ENOX1: variants seen among roughly 807,000 people sequenced by gnomAD.
ENOX1 encodes ecto-NOX disulfide-thiol exchanger 1, also known as candidate growth-related and time keeping constitutive hydroquinone (NADH) oxidase.
ENOX1 carries 42 observed loss-of-function variants against 82.5 expected under a neutral mutation model. That is an observed-to-expected ratio of 0.51 (90% CI 0.40 to 0.66). ENOX1 has a LOEUF of 0.66. Among genes scored for constraint, ENOX1 ranks in the 30% least tolerant of loss-of-function variants. The probability of loss-of-function intolerance (pLI) is 0.00; values close to 1 mark genes in which losing one functional copy is unlikely to be tolerated. For synonymous variants in ENOX1, 271 were observed against 282.2 expected (o/e 0.96, Z 0.40); for missense variants, 608 against 811.6 (o/e 0.75, Z 3.05).
chr13:43,594,483 A>G (rs1446753065), intron 2 of ENOX1, among the ~76,000 whole-genome samples: 1 of 152,184 alleles, frequency 6.6e-6, no homozygotes, highest in Non-Finnish European at 1.5e-5. Context: ...TCAAAAGGCT[A>G]ATTAGTTATT....
chr13:43,303,564 C>T (rs1234125188), intron 11 of ENOX1, among the ~76,000 whole-genome samples: 1 of 152,172 alleles, frequency 6.6e-6, no homozygotes, highest in African/African-American at 2.4e-5. Flanking sequence ...CACAGTCCCT[C>T]AGTCTCTGCC....
intron 2 of ENOX1, among the ~76,000 whole-genome samples, chr13:43,555,512 G>C (rs934233207): frequency 6.6e-6 from 1 of 152,146 alleles, no homozygotes; most frequent in Non-Finnish European, 1.5e-5. Flanking sequence ...AGGAAAAGGG[G>C]AATATGGTCT....
At chr13:43,470,377 C>CGTATATATATATGTATATATATGT in intron 3 of ENOX1, among the ~76,000 whole-genome samples, 1 of 27,038 alleles carries the variant, frequency 3.7e-5, no homozygotes, top group Non-Finnish European at 7.1e-5. Context: ...TATATATATA[C>CGTATATATATATGTATATATATGT]ATATATATAC....
At chr13:43,325,427 T>C (rs1385462731) in intron 10 of ENOX1, among the ~76,000 whole-genome samples, 1 of 152,248 alleles carries the variant, frequency 6.6e-6, no homozygotes, top group Non-Finnish European at 1.5e-5. Context: ...ATGTGGATAT[T>C]ACATCTAGTG....
At chr13:43,742,190 TAGAA>T (rs1169537782) in intron 1 of ENOX1, among the ~76,000 whole-genome samples, 1 of 151,898 alleles carries the variant, frequency 6.6e-6, no homozygotes, top group Non-Finnish European at 1.5e-5. Context: ...TAGAGACATA[TAGAA>T]AGAAATTATG....
rs1446437814 is a variant in ENOX1 at position 43,326,543 on chromosome 13, G to A, written c.1037-18C>T. 3 of 1,598,558 alleles carry A rather than the reference G, an allele frequency of 1.9e-6. No homozygotes were observed. The highest frequency in any genetic ancestry group is 2.6e-6 in the Non-Finnish European group (3 of 1,165,966). On this transcript the variant is annotated intron_variant, in intron 9 of 16. Transcript: ENST00000690772. ...CTGCTCAACTTTGGTGAACAAGGAAGTCAAACAAGACAAGTAATTTATGTT... is the reference window on the plus strand; with the variant it reads ...CTGCTCAACTTTGGTGAACAAGGAAATCAAACAAGACAAGTAATTTATGTT...
chr13:43,392,537 T>TA (rs1208710075), intron 5 of ENOX1, among the ~76,000 whole-genome samples: 1 of 151,840 alleles, frequency 6.6e-6, no homozygotes, highest in East Asian at 1.9e-4. Flanking sequence ...AAAATATAAA[T>TA]AAAAAAAATT....
At chr13:43,711,796 A>G (rs1172981011) in intron 1 of ENOX1, among the ~76,000 whole-genome samples, 4 of 150,004 alleles carry the variant, frequency 2.7e-5, no homozygotes, top group Non-Finnish European at 4.4e-5. Flanking sequence ...AATTTGTTGG[A>G]GTTCATTGTA....
intron 11 of ENOX1, among the ~76,000 whole-genome samples, chr13:43,320,435 G>C (rs371169088): frequency 6.6e-6 from 1 of 152,092 alleles, no homozygotes; most frequent in Non-Finnish European, 1.5e-5. Flanking sequence ...GTTCTCATCA[G>C]ATGCCTGGGG....
chr13:43,512,488 T>C (rs765053640), intron 2 of ENOX1, among the ~76,000 whole-genome samples: 14 of 152,160 alleles, frequency 9.2e-5, no homozygotes, highest in Non-Finnish European at 1.9e-4. Flanking sequence ...CCAATGAGCA[T>C]ATAATTGACT....
At chr13:43,711,189 G>C (rs560966265) in intron 1 of ENOX1, among the ~76,000 whole-genome samples, 2 of 151,024 alleles carry the variant, frequency 1.3e-5, no homozygotes, top group Admixed American at 6.6e-5. Context: ...TTGTCCTTGC[G>C]ATAGTTTGCT....
chr13:43,785,070 G>A (rs1049953023), intron 1 of ENOX1, among the ~76,000 whole-genome samples: 12 of 152,136 alleles, frequency 7.9e-5, no homozygotes, highest in Non-Finnish European at 1.5e-4. Context: ...CTCCAAGAGG[G>A]CTTTCACTTT....
intron 2 of ENOX1, among the ~76,000 whole-genome samples, chr13:43,616,639 CTGTT>C (rs1466244827): frequency 6.6e-6 from 1 of 152,056 alleles, no homozygotes; most frequent in Non-Finnish European, 1.5e-5. Context: ...GTAAGAAAAA[CTGTT>C]TGTAATGATA....
At chr13:43,713,143 A>C (rs558949247) in intron 1 of ENOX1, among the ~76,000 whole-genome samples, 3,208 of 152,248 alleles carry the variant, frequency 0.021, 127 homozygotes, top group African/African-American at 0.074. Context: ...ATTTTGTCAA[A>C]GGCCTTTTCT....
At chr13:43,232,069 G>A (rs951162231) in intron 15 of ENOX1, among the ~76,000 whole-genome samples, 2 of 150,588 alleles carry the variant, frequency 1.3e-5, no homozygotes, top group East Asian at 1.9e-4. Flanking sequence ...GGGACTACAG[G>A]TGCATGCCAC....
chr13:43,417,317 G>A (rs2054683736), intron 3 of ENOX1, among the ~76,000 whole-genome samples: 1 of 151,956 alleles, frequency 6.6e-6, no homozygotes, highest in South Asian at 2.1e-4. Flanking sequence ...GCTACCATGT[G>A]CCTGGGATGG....
At chr13:43,783,568 T>G (rs939847165) in intron 1 of ENOX1, among the ~76,000 whole-genome samples, 4 of 152,176 alleles carry the variant, frequency 2.6e-5, no homozygotes, top group African/African-American at 7.2e-5. Context: ...GGCTAGAGCC[T>G]CAGTCTCTAC....
At chr13:43,690,424 T>G (rs972938149) in intron 1 of ENOX1, among the ~76,000 whole-genome samples, 1 of 152,078 alleles carries the variant, frequency 6.6e-6, no homozygotes, top group Non-Finnish European at 1.5e-5. Flanking sequence ...GTTCAATAAA[T>G]ATAATTGAGG....
intron 1 of ENOX1, among the ~76,000 whole-genome samples, chr13:43,737,194 C>T (rs1420640558): frequency 6.6e-6 from 1 of 152,200 alleles, no homozygotes; most frequent in Non-Finnish European, 1.5e-5. Context: ...ATTTGTGTTG[C>T]TACCTTCTAG....
Sources: gnomAD v4.1 joint callset for allele counts (sites outside exome capture counted in the v4.1 genomes callset) on GRCh38, gnomAD v4.1.1 for gene constraint, MANE v1.5 for transcripts, NCBI Gene and HGNC (gene_info 2026-07-23, HGNC 2026-07-21) for gene names.